SUMF1: variants seen among roughly 807,000 people sequenced by gnomAD.
SUMF1 encodes the protein sulfatase modifying factor 1.
Under a neutral mutation model 47.6 loss-of-function variants are expected in SUMF1, and 48 were observed. The observed-to-expected ratio is 1.01, with a 90% CI of 0.80 to 1.28. The LOEUF (loss-of-function observed/expected upper bound fraction) is 1.28, where lower values mean the gene tolerates loss of function less well. Ranked by LOEUF, SUMF1 falls within the 50% of genes most tolerant of loss-of-function variation. The probability of loss-of-function intolerance (pLI) is 0.00; values close to 1 mark genes in which losing one functional copy is unlikely to be tolerated. For synonymous variants in SUMF1, 230 were observed against 192.1 expected (o/e 1.20, Z -1.63); for missense variants, 571 against 485.4 (o/e 1.18, Z -1.66).
At chr3:4,399,299 C>T (rs1701134163) in intron 7 of SUMF1, among the ~76,000 whole-genome samples, 1 of 152,076 alleles carries the variant, frequency 6.6e-6, no homozygotes, top group South Asian at 2.1e-4. Context: ...CTTCTTTTAA[C>T]CCGAAACACA....
chr3:4,408,664 C>T (rs72999464), intron 7 of SUMF1, among the ~76,000 whole-genome samples: 4,610 of 152,088 alleles, frequency 0.03, 121 homozygotes, highest in Middle Eastern at 0.041. Context: ...CCCATCTCCA[C>T]AAAAATTAAA....
intron 9 of SUMF1, among the ~76,000 whole-genome samples, chr3:4,042,898 A>G (rs317577): frequency 0.99 from 150,131 of 152,150 alleles, 74,101 homozygotes; most frequent in Middle Eastern, 1. Flanking sequence ...GTGCCCTTGC[A>G]TCCCATCACC....
intron 8 of SUMF1, among the ~76,000 whole-genome samples, chr3:4,211,203 CAT>C (rs57172340): frequency 0.042 from 4,129 of 98,158 alleles, 218 homozygotes; most frequent in African/African-American, 0.086. Flanking sequence ...TACATACATA[CAT>C]ATATATATAT....
intron 8 of SUMF1, among the ~76,000 whole-genome samples, chr3:4,264,303 G>A (rs572613448): frequency 1.9e-4 from 29 of 152,294 alleles, no homozygotes; most frequent in African/African-American, 6.5e-4. Context: ...AGAGCCTGGA[G>A]CTAATGAGGG....
At chr3:4,353,445 G>C (rs371901144) in intron 8 of SUMF1, among the ~76,000 whole-genome samples, 1 of 152,036 alleles carries the variant, frequency 6.6e-6, no homozygotes, top group Non-Finnish European at 1.5e-5. Context: ...GTAGAGACGG[G>C]GTTTCACCGT....
intron 8 of SUMF1, among the ~76,000 whole-genome samples, chr3:4,259,783 A>G (rs1341972670): frequency 6.6e-6 from 1 of 152,220 alleles, no homozygotes; most frequent in East Asian, 1.9e-4. Flanking sequence ...AGATTACAAA[A>G]GTATCATTTG....
chr3:4,178,643 C>T (rs1027808399), intron 8 of SUMF1, among the ~76,000 whole-genome samples: 1 of 152,154 alleles, frequency 6.6e-6, no homozygotes, highest in Admixed American at 6.5e-5. Context: ...GACAGGGCTG[C>T]GCTCTCTCAC....
intron 8 of SUMF1, among the ~76,000 whole-genome samples, chr3:4,214,958 T>C (rs1291620945): frequency 5.3e-5 from 8 of 152,168 alleles, no homozygotes; most frequent in Admixed American, 5.2e-4. Flanking sequence ...AGCCAAATTC[T>C]ATCAGAGGTA....
chr3:4,232,064 T>C (rs73806962), intron 8 of SUMF1, among the ~76,000 whole-genome samples: 4,151 of 152,238 alleles, frequency 0.027, 181 homozygotes, highest in African/African-American at 0.094. Flanking sequence ...TGGTGCTTCA[T>C]TGATAAATGT....
chr3:4,113,241 A>G (rs1373988793), intron 8 of SUMF1, among the ~76,000 whole-genome samples: 2 of 152,094 alleles, frequency 1.3e-5, no homozygotes, highest in Non-Finnish European at 2.9e-5. Flanking sequence ...TGAAATATAT[A>G]TTACAACCTG....
intron 8 of SUMF1, among the ~76,000 whole-genome samples, chr3:4,204,219 T>C (rs1574975419): frequency 6.6e-6 from 1 of 152,110 alleles, no homozygotes; most frequent in South Asian, 2.1e-4. Flanking sequence ...AAAGTATCTA[T>C]TTCTCCTTCA....
At chr3:4,293,957 G>A (rs1697789831) in intron 8 of SUMF1, among the ~76,000 whole-genome samples, 1 of 152,152 alleles carries the variant, frequency 6.6e-6, no homozygotes, top group Non-Finnish European at 1.5e-5. Flanking sequence ...AAACATAAAT[G>A]GTGAGAAACT....
At chr3:4,294,952 G>A (rs909959748) in intron 8 of SUMF1, among the ~76,000 whole-genome samples, 3 of 152,158 alleles carry the variant, frequency 2.0e-5, no homozygotes, top group East Asian at 1.9e-4. Flanking sequence ...CTGCAGCGAC[G>A]CTGACTTTAA....
intron 8 of SUMF1, among the ~76,000 whole-genome samples, chr3:4,129,590 C>T (rs952869547): frequency 7.9e-5 from 12 of 152,076 alleles, no homozygotes; most frequent in African/African-American, 2.9e-4. Flanking sequence ...AGGAAGGACA[C>T]CACTACAATA....
chr3:4,333,619 G>A (rs905634919), intron 8 of SUMF1, among the ~76,000 whole-genome samples: 1 of 152,098 alleles, frequency 6.6e-6, no homozygotes, highest in Admixed American at 6.5e-5. Context: ...CTTCCACAGT[G>A]CACCTCACTG....
At chr3:4,082,634 T>C (rs1310438735) in intron 8 of SUMF1, among the ~76,000 whole-genome samples, 1 of 152,152 alleles carries the variant, frequency 6.6e-6, no homozygotes, top group African/African-American at 2.4e-5. Flanking sequence ...AAATGCCTAT[T>C]GTAAACATTT....
chr3:4,251,771 T>C (rs967443796), intron 8 of SUMF1, among the ~76,000 whole-genome samples: 2 of 152,230 alleles, frequency 1.3e-5, no homozygotes, highest in Non-Finnish European at 2.9e-5. Context: ...TGTAACCACC[T>C]TCATCAGTCA....
chr3:4,256,597 C>T (rs1230016516), intron 8 of SUMF1, among the ~76,000 whole-genome samples: 3 of 149,588 alleles, frequency 2.0e-5, no homozygotes, highest in African/African-American at 7.4e-5. Flanking sequence ...AGACCAATAA[C>T]AGGAGCTGAA....
At chr3:4,254,028 T>C (rs1028366192) in intron 8 of SUMF1, among the ~76,000 whole-genome samples, 3 of 150,776 alleles carry the variant, frequency 2.0e-5, no homozygotes, top group Non-Finnish European at 4.4e-5. Context: ...AGCAGGGTAT[T>C]CCAACAGACC....
Sources: gnomAD v4.1 joint callset for allele counts (sites outside exome capture counted in the v4.1 genomes callset) on GRCh38, gnomAD v4.1.1 for gene constraint, MANE v1.5 for transcripts, NCBI Gene and HGNC (gene_info 2026-07-23, HGNC 2026-07-21) for gene names.